The following PDGFD variants were observed in gnomAD, a reference collection of about 807,000 sequenced individuals.
PDGFD encodes platelet derived growth factor D, also known as platelet-derived growth factor D.
Under a neutral mutation model 44.7 loss-of-function variants are expected in PDGFD, and 30 were observed. The ratio of observed to expected loss-of-function variants is 0.67; its 90% confidence interval spans 0.50 to 0.91. PDGFD has a LOEUF of 0.91. PDGFD is among the 40% of genes least tolerant of loss of function. The pLI is 0.00. For missense variants in PDGFD, 445 were observed against 457.8 expected, an observed-to-expected ratio of 0.97 and a Z score of 0.25; for synonymous variants, 173 against 168.4, an observed-to-expected ratio of 1.03 and a Z score of -0.21.
chr11:103,931,899 T>G (rs1310678469), intron 5 of PDGFD, among the ~76,000 whole-genome samples: 2 of 152,176 alleles, frequency 1.3e-5, no homozygotes, highest in Non-Finnish European at 2.9e-5. Flanking sequence ...CTAGTGCATA[T>G]TTACCACATG....
At chr11:104,103,446 TTA>T (rs1861425515) in intron 1 of PDGFD, among the ~76,000 whole-genome samples, 2 of 80,118 alleles carry the variant, frequency 2.5e-5, no homozygotes, top group Non-Finnish European at 4.7e-5. Flanking sequence ...AAACAGACAA[TTA>T]TGTGTGTGTG....
intron 3 of PDGFD, among the ~76,000 whole-genome samples, chr11:103,963,544 C>G (rs1858971191): frequency 6.6e-6 from 1 of 152,096 alleles, no homozygotes; most frequent in Non-Finnish European, 1.5e-5. Context: ...CTCATCATCC[C>G]CAGCAAAGTA....
intron 5 of PDGFD, among the ~76,000 whole-genome samples, chr11:103,929,470 A>T (rs145847577): frequency 6.6e-6 from 1 of 152,332 alleles, no homozygotes; most frequent in Admixed American, 6.5e-5. Flanking sequence ...AACCAGGAGA[A>T]GGCATGTAAG....
At chr11:104,129,157 C>A (rs1371371387) in intron 1 of PDGFD, among the ~76,000 whole-genome samples, 1 of 152,050 alleles carries the variant, frequency 6.6e-6, no homozygotes, top group Non-Finnish European at 1.5e-5. Context: ...CAGAGCTCTG[C>A]CTCAAACTGG....
intron 1 of PDGFD, among the ~76,000 whole-genome samples, chr11:104,065,808 G>C (rs1437154374): frequency 3.3e-5 from 5 of 152,080 alleles, no homozygotes; most frequent in African/African-American, 1.2e-4. Flanking sequence ...TCCCTTGTAT[G>C]TATGCTACAG....
chr11:104,122,593 A>C (rs1861792342), intron 1 of PDGFD, among the ~76,000 whole-genome samples: 1 of 151,916 alleles, frequency 6.6e-6, no homozygotes, highest in South Asian at 2.1e-4. Context: ...TCTGCTCTTA[A>C]CCTCACTCTT....
At position 103,909,720 on chromosome 11, in the gene PDGFD, T is replaced by A; in HGVS notation, c.1087A>T (p.Ile363Phe). 6.2e-7 allele frequency: 1 copy of A among 1,614,090 alleles called. No homozygotes were observed. The highest frequency in any genetic ancestry group is 8.5e-7 in the Non-Finnish European group (1 of 1,179,916). Residue 363 changes from isoleucine (I) to phenylalanine (F), a missense_variant, in exon 7 of 7, where the codon ATC becomes TTC. Transcript: ENST00000393158. ...TATCGAGGTGGTCTTGAGCTGCAGATACAATCACATCGTTCATGGTGATCC... is the reference window on the plus strand; with the variant it reads ...TATCGAGGTGGTCTTGAGCTGCAGAAACAATCACATCGTTCATGGTGATCC... The part of the protein sequence containing the change: ...QLDHHERCDC[I>F]CSSRPPR
intron 1 of PDGFD, among the ~76,000 whole-genome samples, chr11:104,106,179 A>G (rs1271072561): frequency 1.3e-5 from 2 of 152,318 alleles, no homozygotes; most frequent in Admixed American, 1.3e-4. Context: ...TAAACTATGT[A>G]ATCTCAAACC....
chr11:103,930,536 C>A (rs148468698), intron 5 of PDGFD, among the ~76,000 whole-genome samples: 48 of 134,702 alleles, frequency 3.6e-4, no homozygotes, highest in African/African-American at 1.5e-3. Context: ...GGAAACTGAG[C>A]CTTTCAAAAG....
intron 3 of PDGFD, among the ~76,000 whole-genome samples, chr11:103,963,175 C>A (rs527719114): frequency 7.2e-5 from 11 of 152,264 alleles, no homozygotes; most frequent in Non-Finnish European, 1.5e-4. Flanking sequence ...CACATTTTCA[C>A]ATTTTTTCCT....
At chr11:104,136,718 A>T (rs890597443) in intron 1 of PDGFD, among the ~76,000 whole-genome samples, 1 of 152,232 alleles carries the variant, frequency 6.6e-6, no homozygotes, top group Non-Finnish European at 1.5e-5. Flanking sequence ...AATAACATGG[A>T]AAGCATGATT....
intron 5 of PDGFD, among the ~76,000 whole-genome samples, chr11:103,933,480 C>T (rs1027591020): frequency 6.6e-6 from 1 of 152,164 alleles, no homozygotes; most frequent in Non-Finnish European, 1.5e-5. Flanking sequence ...TTATGAAAGA[C>T]ACTGAATTTT....
intron 3 of PDGFD, among the ~76,000 whole-genome samples, chr11:103,949,896 C>T (rs1411564069): frequency 3.3e-5 from 5 of 151,892 alleles, no homozygotes; most frequent in Admixed American, 2.0e-4. Context: ...GCAGAAAACG[C>T]GGGTAGAAGA....
chr11:104,103,617 C>T (rs76422991), intron 1 of PDGFD, among the ~76,000 whole-genome samples: 1 of 151,538 alleles, frequency 6.6e-6, no homozygotes, highest in Non-Finnish European at 1.5e-5. Flanking sequence ...GGATGTCATA[C>T]AGGATTGTGG....
chr11:104,131,666 A>C (rs12284612), intron 1 of PDGFD, among the ~76,000 whole-genome samples: 19,796 of 151,984 alleles, frequency 0.13, 1,425 homozygotes, highest in East Asian at 0.29. Context: ...CAACTTACAA[A>C]GAGTGGCATT....
chr11:104,048,770 C>T (rs1049699007), intron 1 of PDGFD, among the ~76,000 whole-genome samples: 5 of 152,168 alleles, frequency 3.3e-5, no homozygotes, highest in Non-Finnish European at 5.9e-5. Context: ...TACAATGCAT[C>T]TGGCACTGCT....
chr11:103,954,917 C>T (rs4754096), intron 3 of PDGFD, among the ~76,000 whole-genome samples: 47,328 of 151,508 alleles, frequency 0.31, 7,744 homozygotes, highest in South Asian at 0.39. Context: ...GTAATCCCAG[C>T]ACTTTGGGAG....
chr11:104,048,394 C>T (rs867962499), intron 1 of PDGFD, among the ~76,000 whole-genome samples: 3 of 151,876 alleles, frequency 2.0e-5, no homozygotes, highest in Non-Finnish European at 2.9e-5. Flanking sequence ...TTTCTACTCT[C>T]TTCTTTCTTG....
intron 1 of PDGFD, among the ~76,000 whole-genome samples, chr11:104,118,823 T>TAAATATTAATATATAATATATTATATATG (rs1861685432): frequency 2.4e-5 from 1 of 42,040 alleles, no homozygotes; most frequent in African/African-American, 8.4e-5. Context: ...TATTATATAT[T>TAAATATTAATATATAATATATTATATATG]ATAAATATTA....
Sources: allele counts gnomAD v4.1 joint callset (sites outside exome capture counted in the v4.1 genomes callset), GRCh38; gene constraint gnomAD v4.1.1; transcripts MANE v1.5; gene names NCBI Gene and HGNC (gene_info 2026-07-23, HGNC 2026-07-21).